RAB4B: variants seen among roughly 807,000 people sequenced by gnomAD.
The protein encoded by RAB4B is RAB4B, member RAS oncogene family.
RAB4B carries 15 observed loss-of-function variants against 28.3 expected under a neutral mutation model. The ratio of observed to expected loss-of-function variants is 0.53; its 90% CI spans 0.35 to 0.82. The LOEUF (loss-of-function observed/expected upper bound fraction) is 0.82, where lower values mean the gene tolerates loss of function less well. Ranked by LOEUF, RAB4B falls within the 40% of genes least tolerant of loss-of-function variation. The pLI is 0.01. For missense variants in RAB4B, 244 were observed against 288.5 expected (o/e 0.85, Z 1.12); for synonymous variants, 108 against 116.3 (o/e 0.93, Z 0.46).
intron 5 of RAB4B, chr19:40,786,241 G>T: frequency 3.4e-6 from 1 of 293,388 alleles, no homozygotes; most frequent in Non-Finnish European, 6.7e-6. Context: ...GGGGTGGAAT[G>T]GGGCAGGTCC....
intron 3 of RAB4B, among the ~76,000 whole-genome samples, chr19:40,782,172 C>G (rs531013432): frequency 1.1e-4 from 17 of 152,110 alleles, no homozygotes; most frequent in African/African-American, 4.1e-4. Flanking sequence ...GCCTGAGGTG[C>G]ACAGAGCCCA....
At chr19:40,791,141 C>T (rs2083155588) in intron 7 of RAB4B, among the ~76,000 whole-genome samples, 1 of 152,300 alleles carries the variant, frequency 6.6e-6, no homozygotes, top group Non-Finnish European at 1.5e-5. Context: ...AGGCGTGAGA[C>T]ATTGCGCCCG....
At chr19:40,779,899 T>C (rs1340005945) in intron 1 of RAB4B, 120 bp from the exon 2 acceptor site, 2 of 1,577,672 alleles carry the variant, frequency 1.3e-6, no homozygotes, top group Non-Finnish European at 1.7e-6. Context: ...TTTCTGCCTA[T>C]GTCTGTTTCT....
rs1307204829 is a variant in RAB4B, at chr19:40,784,086, T to C, written c.430+11T>C. On this transcript the variant is annotated intron_variant, in intron 5 of 7. Coordinates refer to ENST00000357052, the MANE Select transcript of RAB4B (RefSeq NM_016154.5). ...TTGCCCAGGAGAATGGTGAGGGCTGTGTCGTGGACCAGGTGGTGGTGGGGG... is the reference window on the plus strand; with the variant it reads ...TTGCCCAGGAGAATGGTGAGGGCTGCGTCGTGGACCAGGTGGTGGTGGGGG... The C allele has an allele frequency of 6.3e-7, 1 of 1,595,178 alleles. No homozygotes were observed. The highest frequency in any genetic ancestry group is 8.6e-7 in the Non-Finnish European group (1 of 1,166,138).
At chr19:40,792,507 G>A (rs959042007) in intron 7 of RAB4B, 1 of 152,196 alleles carries the variant, frequency 6.6e-6, no homozygotes, top group Non-Finnish European at 1.5e-5. Flanking sequence ...ACAAGGCAAG[G>A]CAAGGCTTTT....
intron 5 of RAB4B, 35 bp downstream of exon 5, chr19:40,784,110 G>T (rs372653067): frequency 1.1e-5 from 18 of 1,578,396 alleles, no homozygotes; most frequent in Non-Finnish European, 1.5e-5. Context: ...TGGTGGTGGG[G>T]GTGGACAGTC....
intron 7 of RAB4B, among the ~76,000 whole-genome samples, chr19:40,790,350 C>G (rs1490130254): frequency 6.6e-6 from 1 of 151,074 alleles, no homozygotes; most frequent in Non-Finnish European, 1.5e-5. Flanking sequence ...GTCTTGGCCT[C>G]TCTCTTTTTT....
At chr19:40,792,899 A>G (rs1385789275) in intron 7 of RAB4B, among the ~76,000 whole-genome samples, 4 of 151,578 alleles carry the variant, frequency 2.6e-5, no homozygotes, top group African/African-American at 2.4e-5. Context: ...TCCTGCCTCA[A>G]CCTCTGGAGT....
chr19:40,793,947 A>G (rs1392905948), intron 7 of RAB4B, among the ~76,000 whole-genome samples: 1 of 151,602 alleles, frequency 6.6e-6, no homozygotes, highest in African/African-American at 2.4e-5. Flanking sequence ...CAAACAAACC[A>G]AAAAAACCAA....
At position 40,783,779 on chromosome 19, in the gene RAB4B, T is replaced by A. The variant is rs1480941114; in HGVS notation, c.214T>A (p.Ser72Thr). ...GACTGGGTCCCCCTGGCCCCACAGGTCAGTGACGCGGAGTTATTACCGAGG... is the reference window on the plus strand; with the variant it reads ...GACTGGGTCCCCCTGGCCCCACAGGACAGTGACGCGGAGTTATTACCGAGG... Reference protein sequence around the residue: ...WDTAGQERFRSVTRSYYRGAA... With the variant: ...WDTAGQERFRTVTRSYYRGAA... The change falls in exon 4 of 8, where the codon TCA (serine) becomes ACA (threonine). Residue 72 changes from serine (S) to threonine (T), a missense_variant and splice_region_variant. Physicochemically the swap from Ser to Thr is moderately conservative, Grantham distance 58. Transcript: ENST00000357052. 3.8e-6 allele frequency: 6 copies of A among 1,561,812 alleles called. No individual in the cohort carries two copies. Among genetic ancestry groups the A allele is most frequent in the Non-Finnish European group, 5.2e-6 (6 of 1,151,210 alleles).
At chr19:40,779,987 G>C (rs372101192) in intron 1 of RAB4B, 32 bp from the exon 2 acceptor site, 10 of 1,610,146 alleles carry the variant, frequency 6.2e-6, no homozygotes, top group Non-Finnish European at 8.5e-6. Flanking sequence ...CTCTCCCTGT[G>C]GGTATCCCTG....
chr19:40,778,318 C>G lies in RAB4B; in HGVS notation c.-58C>G, dbSNP rs2083014334. 6.8e-7 allele frequency: 1 copy of G among 1,478,042 alleles called. No homozygotes were observed. The highest frequency in any genetic ancestry group is 2.8e-5 in the East Asian group (1 of 36,072). The allele number at this position is 1,478,042 out of a possible 1,614,324, so 91.6% of individuals were successfully genotyped here. ...TAGCCGGAGTGGAGCGGCTGCCAGC[C>G]GAGGAGCAGGCGCGGCCGCGGCGCC... On this transcript the variant is annotated 5_prime_UTR_variant, in exon 1 of 8. Coordinates refer to ENST00000357052, the MANE Select transcript of RAB4B (RefSeq NM_016154.5).
chr19:40,784,677 T>C (rs541423600), intron 5 of RAB4B, among the ~76,000 whole-genome samples: 2 of 152,124 alleles, frequency 1.3e-5, no homozygotes, highest in Non-Finnish European at 2.9e-5. Flanking sequence ...GAGTGGGTGC[T>C]AGATTAATGT....
At chr19:40,789,781 C>T (rs1177783566) in intron 7 of RAB4B, among the ~76,000 whole-genome samples, 1 of 151,958 alleles carries the variant, frequency 6.6e-6, no homozygotes, top group Non-Finnish European at 1.5e-5. Flanking sequence ...TTACAGGCGT[C>T]AGCCACCGCA....
chr19:40,788,480 TTAAA>T (rs1414270181), intron 7 of RAB4B, among the ~76,000 whole-genome samples: 10 of 76,108 alleles, frequency 1.3e-4, no homozygotes, highest in Non-Finnish European at 2.4e-4. Context: ...AGCGAGACTC[TTAAA>T]AAAAAAAAAA....
intron 2 of RAB4B, 140 bp from the exon 3 acceptor site, chr19:40,780,245 T>G: frequency 6.9e-7 from 1 of 1,447,872 alleles, no homozygotes; most frequent in Admixed American, 2.3e-5. Context: ...CGTATGTCCT[T>G]TACTAGGTTC....
intron 7 of RAB4B, among the ~76,000 whole-genome samples, chr19:40,789,931 A>G (rs2083141474): frequency 2.0e-5 from 3 of 152,222 alleles, no homozygotes; most frequent in Admixed American, 6.5e-5. Flanking sequence ...CAACGCTTCT[A>G]GCGAGGGGTA....
chr19:40,783,666 G>A, intron 3 of RAB4B, 112 bp from the exon 4 acceptor site: 1 of 1,027,294 alleles, frequency 9.7e-7, no homozygotes, highest in South Asian at 2.4e-5. Flanking sequence ...TTTGGGGGAT[G>A]GGCCAGCAGT....
In RAB4B at chr19:40,783,948, C is replaced by T. The variant is rs147304643; in HGVS notation, c.303C>T (p.Ala101=). The T allele has an allele frequency of 1.6e-3, 2,633 of 1,612,862 alleles. 4 individuals carry two copies. Among genetic ancestry groups the T allele is most frequent in the Non-Finnish European group, 2.1e-3 (2,435 of 1,179,006 alleles). ...TSRETYNSLA[A]WLTDARTLAS... ...GGGAGACATACAACTCACTGGCTGC[C>T]TGGCTGACGGATGCCCGCACCCTGG... The change falls in exon 5 of 8, where the codon GCC becomes GCT. Residue 101 remains alanine (A), a synonymous_variant. Transcript: ENST00000357052.
Sources: allele counts gnomAD v4.1 joint callset (sites outside exome capture counted in the v4.1 genomes callset), GRCh38; gene constraint gnomAD v4.1.1; transcripts MANE v1.5; gene names NCBI Gene and HGNC (gene_info 2026-07-23, HGNC 2026-07-21).